IGSF11: variants seen among roughly 807,000 people sequenced by gnomAD.
IGSF11 encodes the protein immunoglobulin superfamily member 11, also known as CXADR like 1.
In IGSF11, 22 loss-of-function variants were observed where a neutral mutation model predicts 41.0. The ratio of observed to expected loss-of-function variants is 0.54; its 90% CI spans 0.38 to 0.77. The LOEUF is 0.77. Among genes scored for constraint, IGSF11 ranks in the 30% least tolerant of loss-of-function variants. IGSF11 has a pLI of 0.00. For synonymous variants in IGSF11, 219 were observed against 201.3 expected, an observed-to-expected ratio of 1.09 and a Z score of -0.74; for missense variants, 444 against 530.8, an observed-to-expected ratio of 0.84 and a Z score of 1.61.
rs1553754813 is a variant in IGSF11, at chr3:118,933,470, T to TTATATATA, written c.53-3203_53-3196dup. The stretch of plus-strand genomic sequence containing the variant: ...TCTCTCTACATATAACATGTATTTT[T>TTATATATA]TATATATATATATATATATACACAC... On this transcript the variant is annotated intron_variant, in intron 1 of 6. Transcript: ENST00000393775. 1.2e-3 allele frequency among the ~76,000 whole-genome samples: 178 copies of TTATATATA among 146,172 alleles called. 2 individuals carry two copies. Among genetic ancestry groups the TTATATATA allele is most frequent in the African/African-American group, 3.7e-3 (145 of 39,208 alleles).
At chr3:119,073,630 C>T (rs1373433171) in intron 1 of IGSF11, among the ~76,000 whole-genome samples, 1 of 152,216 alleles carries the variant, frequency 6.6e-6, no homozygotes, top group Non-Finnish European at 1.5e-5. Context: ...GCACGCTCTG[C>T]AGTTGCTGGC....
chr3:119,054,941 C>T (rs1347025041), intron 1 of IGSF11, among the ~76,000 whole-genome samples: 1 of 152,160 alleles, frequency 6.6e-6, no homozygotes, highest in East Asian at 1.9e-4. Context: ...TACGGGCGGA[C>T]TGACACCTCA....
At chr3:119,021,592 C>T (rs1448153341) in intron 1 of IGSF11, among the ~76,000 whole-genome samples, 2 of 151,934 alleles carry the variant, frequency 1.3e-5, no homozygotes, top group Non-Finnish European at 2.9e-5. Context: ...ATCTTATCTA[C>T]CTAAAAAGGC....
chr3:118,959,906 G>A (rs1470319536), intron 1 of IGSF11, among the ~76,000 whole-genome samples: 4 of 152,110 alleles, frequency 2.6e-5, no homozygotes, highest in Admixed American at 6.5e-5. Context: ...TTAGCTGGGC[G>A]TGGTGGCGGG....
intron 1 of IGSF11, among the ~76,000 whole-genome samples, chr3:118,941,479 A>C (rs183255770): frequency 6.6e-6 from 1 of 152,232 alleles, no homozygotes; most frequent in African/African-American, 2.4e-5. Context: ...CTAAGTGTTG[A>C]CGAGAATGTA....
chr3:118,904,564 T>C, intron 6 of IGSF11, 84 bp downstream of exon 6: 1 of 970,684 alleles, frequency 1.0e-6, no homozygotes, highest in Non-Finnish European at 1.6e-6. Flanking sequence ...GTTTTATGAT[T>C]AGTAGATATA....
chr3:119,073,375 T>C (rs2076434768), intron 1 of IGSF11, among the ~76,000 whole-genome samples: 1 of 152,206 alleles, frequency 6.6e-6, no homozygotes, highest in Non-Finnish European at 1.5e-5. Flanking sequence ...CAGAGCTGCC[T>C]GCCAGTCCTG....
intron 1 of IGSF11, among the ~76,000 whole-genome samples, chr3:119,060,983 A>G (rs989174323): frequency 1.3e-5 from 2 of 152,204 alleles, no homozygotes; most frequent in Non-Finnish European, 2.9e-5. Context: ...CTGGATTTGA[A>G]ATGTTTTTAA....
chr3:119,000,962 C>A (rs1321215128), intron 1 of IGSF11, among the ~76,000 whole-genome samples: 1 of 152,158 alleles, frequency 6.6e-6, no homozygotes, highest in South Asian at 2.1e-4. Context: ...TCTTTCATTG[C>A]CCAGCAACCA....
At chr3:119,008,824 T>G (rs1937732888) in intron 1 of IGSF11, among the ~76,000 whole-genome samples, 1 of 152,190 alleles carries the variant, frequency 6.6e-6, no homozygotes, top group African/African-American at 2.4e-5. Context: ...CAGATTGTCT[T>G]CCATGTGCAG....
At chr3:119,123,168 G>A (rs11916672) in intron 1 of IGSF11, among the ~76,000 whole-genome samples, 70,283 of 151,978 alleles carry the variant, frequency 0.46, 16,372 homozygotes, top group East Asian at 0.51. Flanking sequence ...AGCTTCCTGA[G>A]GAGCCCATGC....
intron 1 of IGSF11, among the ~76,000 whole-genome samples, chr3:118,934,140 C>T (rs921528610): frequency 1.3e-5 from 2 of 152,126 alleles, no homozygotes; most frequent in Non-Finnish European, 2.9e-5. Flanking sequence ...TTTGAAAGCA[C>T]TCTCTATAGT....
intron 1 of IGSF11, among the ~76,000 whole-genome samples, chr3:119,054,541 C>T (rs1303597597): frequency 6.6e-6 from 1 of 152,058 alleles, no homozygotes; most frequent in African/African-American, 2.4e-5. Flanking sequence ...TAAATGTTGG[C>T]ATGGATCTGG....
chr3:119,114,144 G>T (rs534079541), intron 1 of IGSF11, among the ~76,000 whole-genome samples: 1 of 152,320 alleles, frequency 6.6e-6, no homozygotes, highest in East Asian at 1.9e-4. Flanking sequence ...TGCTGCAAAG[G>T]TATCTAAAAT....
intron 4 of IGSF11, among the ~76,000 whole-genome samples, chr3:118,906,288 A>G (rs932211070): frequency 6.6e-6 from 1 of 152,158 alleles, no homozygotes; most frequent in African/African-American, 2.4e-5. Context: ...GAAGCTGCAG[A>G]AGGCAGGGAG....
At chr3:119,075,162 C>T (rs540094681) in intron 1 of IGSF11, among the ~76,000 whole-genome samples, 3 of 152,202 alleles carry the variant, frequency 2.0e-5, no homozygotes, top group South Asian at 4.2e-4. Flanking sequence ...CCACAGACCT[C>T]ACACAAATAT....
intron 1 of IGSF11, among the ~76,000 whole-genome samples, chr3:119,040,735 T>C (rs1423140980): frequency 2.0e-5 from 3 of 152,246 alleles, no homozygotes; most frequent in Non-Finnish European, 4.4e-5. Flanking sequence ...CACATGTAGA[T>C]ACTGAATAAA....
In IGSF11 at chr3:119,140,212, C is replaced by T. The variant is rs113264295; in HGVS notation, c.-14+5601G>A. On this transcript the variant is annotated intron_variant, in intron 1 of 7. Coordinates refer to the IGSF11 transcript ENST00000425327. ...CCCAAAAAAACCAACTATACCACTA[C>T]GTATATACTGTCTACAAGAGACAAA... Among the ~76,000 whole-genome samples the T allele has an allele frequency of 5.5e-3, 836 of 152,100 alleles. 13 individuals are homozygous for T. Among genetic ancestry groups the T allele is most frequent in the African/African-American group, 0.019 (774 of 41,500 alleles).
At chr3:119,085,572 G>C (rs2076657961) in intron 1 of IGSF11, among the ~76,000 whole-genome samples, 1 of 152,178 alleles carries the variant, frequency 6.6e-6, no homozygotes, top group Non-Finnish European at 1.5e-5. Context: ...ATAGGATTCA[G>C]AATCTGAATG....
Sources: allele counts gnomAD v4.1 joint callset (sites outside exome capture counted in the v4.1 genomes callset), GRCh38; gene constraint gnomAD v4.1.1; transcripts MANE v1.5; gene names NCBI Gene and HGNC (gene_info 2026-07-23, HGNC 2026-07-21).